POLRMT: variants seen among roughly 807,000 people sequenced by gnomAD.
POLRMT encodes DNA-directed RNA polymerase, mitochondrial.
Under a neutral mutation model 132.2 loss-of-function variants are expected in POLRMT, and 114 were observed. The ratio of observed to expected loss-of-function variants is 0.86; its 90% CI spans 0.74 to 1.01. POLRMT has a LOEUF of 1.01. POLRMT is among the 50% of genes least tolerant of loss of function. POLRMT has a pLI of 0.00. For synonymous variants in POLRMT, 1,020 were observed against 773.4 expected (o/e 1.32, Z -5.29); for missense variants, 2,003 against 1,729.1 (o/e 1.16, Z -2.81).
chr19:623,957 T>C (rs755866033), intron 5 of POLRMT, among the ~76,000 whole-genome samples: 3 of 152,172 alleles, frequency 2.0e-5, no homozygotes, highest in Non-Finnish European at 2.9e-5. Context: ...CATCCAGAAA[T>C]AGATGAATTA....
chr19:618,856 T>C (rs981967241), intron 15 of POLRMT, 96 bp from the exon 16 acceptor site: 3 of 1,432,560 alleles, frequency 2.1e-6, no homozygotes, highest in African/African-American at 2.8e-5. Context: ...CACGCTAGGA[T>C]GGTGGCACAC....
At chr19:628,527 C>G (rs1214911385) in intron 3 of POLRMT, among the ~76,000 whole-genome samples, 1 of 152,180 alleles carries the variant, frequency 6.6e-6, no homozygotes, top group Non-Finnish European at 1.5e-5. Context: ...ACGAATTGGT[C>G]TTAATATTGC....
chr19:623,751 T>G (rs1256588009), intron 5 of POLRMT, 148 bp from the exon 6 acceptor site: 2 of 1,006,508 alleles, frequency 2.0e-6, no homozygotes, highest in Non-Finnish European at 2.9e-6. Context: ...GGGCTGCGGG[T>G]AAAGTCAGTG....
chr19:619,093 A>G lies in POLRMT; in HGVS notation c.3171T>C (p.Ser1057=), dbSNP rs1984276411. The G allele has an allele frequency of 1.2e-6, 2 of 1,609,790 alleles. No individual in the cohort carries two copies. Among genetic ancestry groups the G allele is most frequent in the Non-Finnish European group, 1.7e-6 (2 of 1,178,750 alleles). Residue 1057 remains serine (S), a synonymous_variant, in exon 15 of 21, where the codon AGT becomes AGC. Coordinates refer to ENST00000588649, the MANE Select transcript of POLRMT (RefSeq NM_005035.4). ...TRAIQHWLTE[S]ARLISHMGSV... is the part of the protein sequence containing the mutation. ...AGCCCATGTGGGAGATGAGGCGGGCACTCTCGGTCAGCCAGTGCTGTGGGA... is the reference window on the plus strand; with the variant it reads ...AGCCCATGTGGGAGATGAGGCGGGCGCTCTCGGTCAGCCAGTGCTGTGGGA...
Position 633,420 on chromosome 19 carries a change from G to A in POLRMT, c.88+5C>T. The A allele has an allele frequency of 6.5e-7, 1 of 1,545,066 alleles. No individual in the cohort carries two copies. The highest frequency in any genetic ancestry group is 1.2e-5 in the South Asian group (1 of 81,594). On this transcript the variant is annotated splice_donor_5th_base_variant and intron_variant, in intron 1 of 20. Transcript: ENST00000588649. ...GGGCTGCCTGGCCGTCTCCCTTTGTGTTACCTTCTTTGCCGGGGAGTCCCG... is the reference window on the plus strand; with the variant it reads ...GGGCTGCCTGGCCGTCTCCCTTTGTATTACCTTCTTTGCCGGGGAGTCCCG...
At position 621,567 on chromosome 19, in the gene POLRMT, C is replaced by G. The variant is rs200645726; in HGVS notation, c.2131G>C (p.Gly711Arg). Residue 711 changes from glycine (G) to arginine (R), a missense_variant, in exon 10 of 21, where the codon GGG (glycine) becomes CGG (arginine). Coordinates refer to ENST00000588649, the MANE Select transcript of POLRMT (RefSeq NM_005035.4). The part of the protein sequence containing the change: ...QLGNCAWRVN[G>R]RVLDLVLQLF... ...TGCAGCACCAGGTCCAGCACGCGCC[C>G]GTTGACGCGCCAGGCGCAGTTGCCC... The G allele has an allele frequency of 1.7e-4, 242 of 1,454,472 alleles. No homozygotes were observed. The African/African-American group carries it at 3.2e-3, about 19-fold the overall frequency. 90.1% of individuals were successfully genotyped at this position (1,454,472 alleles called of 1,614,324 possible). A position where few individuals can be genotyped will look rare whatever the true frequency, so the allele number is the denominator to read the frequency against.
In POLRMT at chr19:622,727, C is replaced by G. The variant is rs972936743; in HGVS notation, c.1481G>C (p.Gly494Ala). ...CCGGGCCAGGGTGGTGAAGGACTCA[C>G]CTTGGGCGGGCAGCGCCTGCAGGAC... ...LQVLQALPAQ[G>A]ESFTTLAREL... Residue 494 changes from glycine to alanine, a missense_variant, in exon 8 of 21, where the codon GGT becomes GCT. Physicochemically the swap from Gly to Ala is moderately conservative, Grantham distance 60 (BLOSUM62 0). Transcript: ENST00000588649. 2.9e-5 allele frequency: 46 copies of G among 1,598,222 alleles called. No individual in the cohort carries two copies. The highest frequency in any genetic ancestry group is 3.7e-5 in the Non-Finnish European group (44 of 1,173,768).
rs754559677 is a variant in POLRMT at position 622,927 on chromosome 19, C to T, written c.1349G>A (p.Arg450Gln). 17 of 1,612,860 alleles carry T rather than the reference C, an allele frequency of 1.1e-5. No homozygotes were observed. The South Asian group carries it at 1.5e-4, about 15-fold the overall frequency. ...GCGCTCTAGGCGGTTCTTGGTCTCC[C>T]GCAGCGCCCGGCACAGTGCTTTCTC... ...QWEKALCRAL[R>Q]ETKNRLEREV... The change falls in exon 7 of 21, where the codon CGG becomes CAG. Residue 450 changes from arginine to glutamine, a missense_variant. Coordinates refer to ENST00000588649, the MANE Select transcript of POLRMT (RefSeq NM_005035.4).
intron 2 of POLRMT, among the ~76,000 whole-genome samples, chr19:631,345 G>C (rs1985403210): frequency 6.7e-6 from 1 of 150,170 alleles, no homozygotes. Context: ...AAAAGGGGGG[G>C]GGGGACCCAG....
chr19:626,395 C>G (rs1269708949), intron 3 of POLRMT, among the ~76,000 whole-genome samples: 1 of 151,582 alleles, frequency 6.6e-6, no homozygotes, highest in East Asian at 1.9e-4. Flanking sequence ...CTCAGGGGAT[C>G]CACCCGCCTC....
chr19:620,635 G>A lies in POLRMT; in HGVS notation c.2641-148C>T. 2.9e-6 allele frequency: 3 copies of A among 1,049,920 alleles called. No individual in the cohort carries two copies. The South Asian group carries it at 5.3e-5, about 19-fold the overall frequency. 65.0% of individuals were successfully genotyped at this position (1,049,920 alleles called of 1,614,324 possible). A position where few individuals can be genotyped will look rare whatever the true frequency, so the allele number is the denominator to read the frequency against. On this transcript the variant is annotated intron_variant, in intron 10 of 20. Coordinates refer to ENST00000588649, the MANE Select transcript of POLRMT (RefSeq NM_005035.4). ...ACGCATGTGGGCGAGAGACGGGGCGGTGGCTGGATGAGTTCTCCATAGCCA... is the reference window on the plus strand; with the variant it reads ...ACGCATGTGGGCGAGAGACGGGGCGATGGCTGGATGAGTTCTCCATAGCCA...
chr19:633,479 C>A lies in POLRMT; in HGVS notation c.34G>T (p.Gly12Trp). The A allele has an allele frequency of 1.3e-6, 2 of 1,560,612 alleles. No homozygotes were observed. Among genetic ancestry groups the A allele is most frequent in the Non-Finnish European group, 8.7e-7 (1 of 1,155,318 alleles). Residue 12 changes from glycine to tryptophan, a missense_variant, in exon 1 of 21, where the codon GGG becomes TGG. Transcript: ENST00000588649. ...SALCWGRGAA[G>W]LKRALRPCGR... ...CAAGGCCGTAGGGCTCGTTTGAGCCCCGCCGCTCCGCGGCCCCAGCAAAGT... is the reference window on the plus strand; with the variant it reads ...CAAGGCCGTAGGGCTCGTTTGAGCCACGCCGCTCCGCGGCCCCAGCAAAGT...
Position 621,087 on chromosome 19 carries a change from T to C in POLRMT, c.2611A>G (p.Ile871Val), listed in dbSNP as rs748036778. Residue 871 changes from isoleucine (I) to valine (V), a missense_variant, in exon 10 of 21, where the codon ATC becomes GTC. Coordinates refer to ENST00000588649, the MANE Select transcript of POLRMT (RefSeq NM_005035.4). ...AAGGGTTGGTCCGCGGAGTCCAGGA[T>C]GTCATCCATCACCTCCTCCGCAAAG... is the stretch of plus-strand genomic sequence containing the variant. ...LAFAEEVMDD[I>V]LDSADQPLTG... 9.4e-6 allele frequency: 15 copies of C among 1,603,686 alleles called. 1 individual carries two copies. In the South Asian group the frequency reaches 1.2e-4, roughly 13 times the overall value.
chr19:623,447 C>T lies in POLRMT; in HGVS notation c.1290+7G>A, dbSNP rs755362600. 5.0e-6 allele frequency: 8 copies of T among 1,610,874 alleles called. No individual in the cohort carries two copies. The East Asian group carries it at 1.3e-4, about 27-fold the overall frequency. On this transcript the variant is annotated splice_region_variant and intron_variant, in intron 6 of 20. Transcript: ENST00000588649. ...CGGCGGACACGGGACCCCGGCTCAG[C>T]CCCTACCGCGTGCTTGACCTCCTTG... is the stretch of plus-strand genomic sequence containing the variant.
intron 3 of POLRMT, among the ~76,000 whole-genome samples, chr19:627,233 GCTCTGC>G: frequency 1.4e-5 from 2 of 146,926 alleles, no homozygotes; most frequent in African/African-American, 5.0e-5. Context: ...CTCACTGCAA[GCTCTGC>G]CTCCCAGGTT....
chr19:621,880 G>C (rs746186802), intron 9 of POLRMT, 34 bp from the exon 10 acceptor site: 2 of 1,596,220 alleles, frequency 1.3e-6, no homozygotes, highest in Non-Finnish European at 1.7e-6. Context: ...TCAGGGCCCC[G>C]GTGCTGGGGC....
In POLRMT at chr19:623,460, C is replaced by T. The variant is rs777775158; in HGVS notation, c.1284G>A (p.Lys428=). ...ACCCCGGCTCAGCCCCTACCGCGTG[C>T]TTGACCTCCTTGCTTGGCAACGTGG... ...EKPTLPSKEV[K]HARKTLKTLR... Residue 428 remains lysine (K), a synonymous_variant, in exon 6 of 21, where the codon AAG becomes AAA. Transcript: ENST00000588649. 2.5e-6 allele frequency: 4 copies of T among 1,611,686 alleles called. No individual in the cohort carries two copies. The highest frequency in any genetic ancestry group is 3.4e-6 in the Non-Finnish European group (4 of 1,179,928).
intron 5 of POLRMT, among the ~76,000 whole-genome samples, chr19:623,838 G>A (rs763615940): frequency 1.1e-4 from 17 of 152,200 alleles, no homozygotes; most frequent in Non-Finnish European, 2.4e-4. Flanking sequence ...CGTGCAGGGG[G>A]TGGCAGGGGC....
intron 3 of POLRMT, among the ~76,000 whole-genome samples, chr19:627,301 G>A (rs1263793479): frequency 1.3e-5 from 2 of 151,800 alleles, no homozygotes; most frequent in African/African-American, 2.4e-5. Flanking sequence ...GCAGGCGCCC[G>A]CCACCACACC....
Sources: gnomAD v4.1 joint callset for allele counts (sites outside exome capture counted in the v4.1 genomes callset) on GRCh38, gnomAD v4.1.1 for gene constraint, MANE v1.5 for transcripts, NCBI Gene and HGNC (gene_info 2026-07-23, HGNC 2026-07-21) for gene names.